Variants in GALNTL6 observed in about 807,000 individuals in gnomAD.
GALNTL6 encodes polypeptide N-acetylgalactosaminyltransferase-like 6.
A neutral mutation model predicts 73.7 loss-of-function variants in GALNTL6; 46 were observed. That is an observed-to-expected ratio of 0.62 (90% CI 0.49 to 0.80). The LOEUF is 0.80. GALNTL6 is among the 30% of genes least tolerant of loss of function. The probability of loss-of-function intolerance (pLI) is 0.00; values close to 1 mark genes in which losing one functional copy is unlikely to be tolerated. For missense variants in GALNTL6, 604 were observed against 755.0 expected, an observed-to-expected ratio of 0.80 and a Z score of 2.34; for synonymous variants, 259 against 263.7, an observed-to-expected ratio of 0.98 and a Z score of 0.17.
At chr4:172,593,200 C>T (rs116147132) in intron 5 of GALNTL6, among the ~76,000 whole-genome samples, 2,132 of 152,240 alleles carry the variant, frequency 0.014, 45 homozygotes, top group African/African-American at 0.048. Context: ...CATTTATAGA[C>T]TTCTCAAACA....
intron 5 of GALNTL6, among the ~76,000 whole-genome samples, chr4:172,469,204 G>T (rs1169254516): frequency 6.6e-6 from 1 of 152,138 alleles, no homozygotes; most frequent in Non-Finnish European, 1.5e-5. Flanking sequence ...TGAAACAGAA[G>T]GTCTCTATTG....
intron 5 of GALNTL6, among the ~76,000 whole-genome samples, chr4:172,777,532 C>G (rs1349274101): frequency 6.6e-6 from 1 of 152,176 alleles, no homozygotes; most frequent in Non-Finnish European, 1.5e-5. Context: ...TAACACATAC[C>G]TCACAGAGTT....
intron 8 of GALNTL6, among the ~76,000 whole-genome samples, chr4:172,929,742 C>T (rs879933098): frequency 6.6e-6 from 1 of 152,130 alleles, no homozygotes; most frequent in Non-Finnish European, 1.5e-5. Flanking sequence ...AATATCTGGG[C>T]GCCATGGTCC....
At chr4:172,076,265 G>A (rs1731701611) in intron 2 of GALNTL6, among the ~76,000 whole-genome samples, 1 of 152,110 alleles carries the variant, frequency 6.6e-6, no homozygotes, top group Non-Finnish European at 1.5e-5. Context: ...GTCCTATTCA[G>A]CATCTCTTTT....
chr4:172,684,139 A>C (rs1732788409), intron 5 of GALNTL6, among the ~76,000 whole-genome samples: 1 of 152,224 alleles, frequency 6.6e-6, no homozygotes, highest in South Asian at 2.1e-4. Context: ...TTAACACCAT[A>C]GTAAAGAAAA....
At position 172,898,486 on chromosome 4, in the gene GALNTL6, T is replaced by C. The variant is rs193175862; in HGVS notation, c.1041+15579T>C. ...AAAGATCTCATAAAATAAAACTTTT[T>C]TCTCTTTTTCCTTCATTACAGTCAT... On this transcript the variant is annotated intron_variant, in intron 8 of 12. Coordinates refer to ENST00000506823, the MANE Select transcript of GALNTL6 (RefSeq NM_001034845.3). 1.2e-3 allele frequency among the ~76,000 whole-genome samples: 190 copies of C among 152,120 alleles called. 1 individual carries two copies. Among genetic ancestry groups the C allele is most frequent in the Non-Finnish European group, 2.0e-3 (138 of 67,982 alleles).
intron 5 of GALNTL6, among the ~76,000 whole-genome samples, chr4:172,356,447 G>C (rs978710746): frequency 1.3e-5 from 2 of 150,348 alleles, no homozygotes; most frequent in African/African-American, 2.5e-5. Flanking sequence ...AAAAATCATT[G>C]CATCTACACA....
chr4:172,612,630 T>C (rs977413427), intron 5 of GALNTL6, among the ~76,000 whole-genome samples: 5 of 152,078 alleles, frequency 3.3e-5, no homozygotes, highest in African/African-American at 1.2e-4. Flanking sequence ...TTGGAATGGC[T>C]GTTGGGTAGC....
intron 5 of GALNTL6, among the ~76,000 whole-genome samples, chr4:172,398,656 C>G (rs1743931972): frequency 1.3e-5 from 2 of 152,236 alleles, no homozygotes; most frequent in East Asian, 1.9e-4. Context: ...TAATGGTAAA[C>G]TACCTGAACA....
At position 172,023,481 on chromosome 4, in the gene GALNTL6, C is replaced by T. The variant is rs7682467; in HGVS notation, c.139-206175C>T. 7.8e-3 allele frequency among the ~76,000 whole-genome samples: 1,182 copies of T among 151,832 alleles called. 19 individuals carry two copies. The highest frequency in any genetic ancestry group is 0.025 in the African/African-American group (1,036 of 41,484). The stretch of plus-strand genomic sequence containing the variant: ...GAACTAAAATATCAAACTGAGTTTC[C>T]CTAACTTTGAATGATGTTTAAACTT... On this transcript the variant is annotated intron_variant, in intron 2 of 12. Transcript: ENST00000506823.
In GALNTL6 at chr4:172,417,715, G is replaced by A. The variant is rs337043; in HGVS notation, c.553+69026G>A. On this transcript the variant is annotated intron_variant, in intron 5 of 12. Transcript: ENST00000506823. ...TATTGCGATTGTTTTTCTGTCACTA[G>A]ATAGTTGTTCTTGACTTTTTGTATG... Among the ~76,000 whole-genome samples, 1,432 of 152,216 alleles carry A rather than the reference G, an allele frequency of 9.4e-3. 30 individuals carry two copies. Among genetic ancestry groups the A allele is most frequent in the African/African-American group, 0.033 (1,353 of 41,548 alleles).
At chr4:172,980,456 C>A (rs1751016002) in intron 10 of GALNTL6, among the ~76,000 whole-genome samples, 1 of 152,124 alleles carries the variant, frequency 6.6e-6, no homozygotes. Flanking sequence ...TAACACAGTG[C>A]CACATAGTAG....
intron 2 of GALNTL6, among the ~76,000 whole-genome samples, chr4:172,049,859 C>T (rs2110855786): frequency 6.6e-6 from 1 of 152,198 alleles, no homozygotes; most frequent in Non-Finnish European, 1.5e-5. Flanking sequence ...TGGCAGGTGC[C>T]TGTAATCCCA....
chr4:172,292,310 G>T (rs1347976536), intron 3 of GALNTL6, among the ~76,000 whole-genome samples: 1 of 151,984 alleles, frequency 6.6e-6, no homozygotes, highest in Admixed American at 6.6e-5. Context: ...AAACAAGTCT[G>T]TTCTTTAAGC....
intron 10 of GALNTL6, among the ~76,000 whole-genome samples, chr4:172,970,956 G>A (rs1243349560): frequency 6.6e-6 from 1 of 152,170 alleles, no homozygotes; most frequent in Non-Finnish European, 1.5e-5. Flanking sequence ...AGTAAAGACG[G>A]GGTAAGAAAT....
chr4:172,323,700 T>A (rs909948151), intron 4 of GALNTL6, among the ~76,000 whole-genome samples: 3 of 152,262 alleles, frequency 2.0e-5, no homozygotes, highest in African/African-American at 4.8e-5. Flanking sequence ...TTTTAGGAGA[T>A]CTGGATTTCA....
At chr4:172,353,866 G>C (rs986569090) in intron 5 of GALNTL6, among the ~76,000 whole-genome samples, 2 of 152,068 alleles carry the variant, frequency 1.3e-5, no homozygotes, top group Admixed American at 6.6e-5. Flanking sequence ...TAAAATAGCA[G>C]AGATATTTTT....
intron 5 of GALNTL6, among the ~76,000 whole-genome samples, chr4:172,721,327 GAA>G (rs139640290): frequency 5.3e-5 from 8 of 152,232 alleles, no homozygotes; most frequent in Non-Finnish European, 1.2e-4. Flanking sequence ...GAAGGGGGCA[GAA>G]AATAAAAGAG....
intron 2 of GALNTL6, among the ~76,000 whole-genome samples, chr4:171,832,435 T>C (rs1276223425): frequency 1.3e-5 from 2 of 151,506 alleles, no homozygotes; most frequent in East Asian, 3.9e-4. Context: ...AAGTTTTGGA[T>C]AGTATTTTTC....
Sources: allele counts gnomAD v4.1 joint callset (sites outside exome capture counted in the v4.1 genomes callset), GRCh38; gene constraint gnomAD v4.1.1; transcripts MANE v1.5; gene names NCBI Gene and HGNC (gene_info 2026-07-23, HGNC 2026-07-21).